CFAP77: variants seen among roughly 807,000 people sequenced by gnomAD.
The protein encoded by CFAP77 is cilia- and flagella-associated protein 77.
In CFAP77, 25 loss-of-function variants were observed where a neutral mutation model predicts 31.1. The ratio of observed to expected loss-of-function variants is 0.80; its 90% confidence interval spans 0.59 to 1.12. CFAP77 has a LOEUF of 1.12. CFAP77 is among the 50% of genes most tolerant of loss of function. CFAP77 has a pLI of 0.00. For synonymous variants in CFAP77, 151 were observed against 159.9 expected (o/e 0.94, Z 0.42); for missense variants, 377 against 397.3 (o/e 0.95, Z 0.44).
chr9:132,442,570 G>A (rs955333094), intron 1 of CFAP77, among the ~76,000 whole-genome samples: 2 of 151,750 alleles, frequency 1.3e-5, no homozygotes. Context: ...AAATCTCTGT[G>A]TTATAATTTA....
Position 132,539,081 on chromosome 9 carries a change from C to A in CFAP77, c.630+1375C>A, listed in dbSNP as rs1335823531. Among the ~76,000 whole-genome samples, 1 of 151,968 alleles carries A rather than the reference C, an allele frequency of 6.6e-6. No individual in the cohort carries two copies. Among genetic ancestry groups the A allele is most frequent in the African/African-American group, 2.4e-5 (1 of 41,358 alleles). Reference sequence around the variant, plus strand: ...CAGCCTGGGCAACAGAGCAAGACTCCGTCTCGATAAAAAAATAAATAAATA... The same window carrying A: ...CAGCCTGGGCAACAGAGCAAGACTCAGTCTCGATAAAAAAATAAATAAATA... On this transcript the variant is annotated intron_variant, in intron 4 of 5. Coordinates refer to ENST00000393216, the MANE Select transcript of CFAP77 (RefSeq NM_001282957.2). This position sits in a 1 kb window ranked among gnomAD's most constrained non-coding sequence, Gnocchi z 4.3.
At chr9:132,445,341 C>A (rs1359229236) in intron 1 of CFAP77, among the ~76,000 whole-genome samples, 1 of 152,168 alleles carries the variant, frequency 6.6e-6, no homozygotes, top group Admixed American at 6.6e-5. Flanking sequence ...AGAAGCCTAC[C>A]ATGTTTGTGT....
At chr9:132,450,336 A>T (rs566914053) in intron 1 of CFAP77, among the ~76,000 whole-genome samples, 2 of 151,608 alleles carry the variant, frequency 1.3e-5, no homozygotes, top group African/African-American at 4.8e-5. Flanking sequence ...AATGTGTGAG[A>T]ACTACAGGTC....
At chr9:132,450,640 G>C (rs1850809012) in intron 1 of CFAP77, among the ~76,000 whole-genome samples, 1 of 152,184 alleles carries the variant, frequency 6.6e-6, no homozygotes, top group Non-Finnish European at 1.5e-5. Flanking sequence ...GGTCTGCCTA[G>C]ACAGGCCATG....
intron 5 of CFAP77, among the ~76,000 whole-genome samples, chr9:132,568,245 T>TG (rs1829911564): frequency 6.6e-6 from 1 of 152,148 alleles, no homozygotes. Flanking sequence ...TACAACGCTG[T>TG]GCCTAGAGTT....
chr9:132,418,739 A>G (rs1436803642), intron 1 of CFAP77, among the ~76,000 whole-genome samples: 1 of 152,264 alleles, frequency 6.6e-6, no homozygotes, highest in Non-Finnish European at 1.5e-5. Context: ...AGATAAACTC[A>G]TTAGCAAAGG....
At chr9:132,555,084 C>T (rs981684535) in intron 5 of CFAP77, among the ~76,000 whole-genome samples, 1 of 152,214 alleles carries the variant, frequency 6.6e-6, no homozygotes, top group Non-Finnish European at 1.5e-5. Flanking sequence ...TACCCCAAGA[C>T]ATTTGAAGGC....
In CFAP77 at chr9:132,572,478, A is replaced by C; in HGVS notation, c.823A>C (p.Thr275Pro). 6.2e-7 allele frequency: 1 copy of C among 1,608,810 alleles called. No individual in the cohort carries two copies. Among genetic ancestry groups the C allele is most frequent in the Non-Finnish European group, 8.5e-7 (1 of 1,179,762 alleles). ...GGAAGAGTGTGCCGTGCGCCAGGGG[A>C]CCCTGCGGATGGGCAACTACACCCA... ...HREECAVRQGTLRMGNYTHP is the reference protein window; with the variant it reads ...HREECAVRQGPLRMGNYTHP The change falls in exon 6 of 6, where the codon ACC becomes CCC. Residue 275 changes from threonine to proline, a missense_variant. Thr to Pro is a conservative substitution (Grantham distance 38). Transcript: ENST00000393216.
At chr9:132,558,670 A>G (rs1308899421) in intron 5 of CFAP77, among the ~76,000 whole-genome samples, 1 of 151,684 alleles carries the variant, frequency 6.6e-6, no homozygotes, top group Non-Finnish European at 1.5e-5. Context: ...GCACCATTGC[A>G]TTCCAGCCTG....
chr9:132,555,990 G>A (rs1371057519), intron 5 of CFAP77, among the ~76,000 whole-genome samples: 2 of 151,902 alleles, frequency 1.3e-5, no homozygotes, highest in Non-Finnish European at 2.9e-5. Flanking sequence ...CTCAGGTTCC[G>A]CGCACAGATA....
chr9:132,560,434 TTACCCAATTATTTTGCTCCTAG>T (rs777127194), intron 5 of CFAP77, among the ~76,000 whole-genome samples: 4 of 152,218 alleles, frequency 2.6e-5, no homozygotes, highest in Non-Finnish European at 5.9e-5. Context: ...GGGACTGGTG[TTACCCAATTATTTTGCTCCTAG>T]CGTCTAGCAA....
rs1230529442 is a variant in CFAP77, at chr9:132,486,050, ATG to A, written c.196-12643_196-12642del. Among the ~76,000 whole-genome samples, 193 of 36,084 alleles carry A rather than the reference ATG, an allele frequency of 5.3e-3. 37 individuals are homozygous for A. The highest frequency in any genetic ancestry group is 0.048 in the African/African-American group (176 of 3,658). The allele number at this position is 36,084 out of a possible 152,430, so 23.7% of individuals were successfully genotyped here. ...TATATATATATATATATGTATGTATATGTATGTGTGTGTGTGTATATATATAT... is the reference window on the plus strand; with the variant it reads ...TATATATATATATATATGTATGTATATATGTGTGTGTGTGTATATATATAT... On this transcript the variant is annotated intron_variant, in intron 1 of 5. Coordinates refer to ENST00000393216, the MANE Select transcript of CFAP77 (RefSeq NM_001282957.2).
At chr9:132,524,695 C>G (rs1326254063) in intron 3 of CFAP77, among the ~76,000 whole-genome samples, 1 of 152,096 alleles carries the variant, frequency 6.6e-6, no homozygotes, top group East Asian at 1.9e-4. Flanking sequence ...GTCGCCCAGG[C>G]TGGAGTGCAG....
chr9:132,433,971 TAAAAA>T (rs1229342874), intron 1 of CFAP77, among the ~76,000 whole-genome samples: 1 of 129,934 alleles, frequency 7.7e-6, no homozygotes, highest in African/African-American at 2.9e-5. Context: ...ACCCCATGTG[TAAAAA>T]AAAAAAAAAA....
intron 3 of CFAP77, among the ~76,000 whole-genome samples, chr9:132,521,662 G>C (rs973133941): frequency 2.6e-5 from 4 of 152,068 alleles, no homozygotes; most frequent in Admixed American, 6.5e-5. Context: ...CATTTGGGAG[G>C]GGGTAGGAGA....
intron 1 of CFAP77, among the ~76,000 whole-genome samples, chr9:132,423,416 G>A (rs1294549451): frequency 6.6e-6 from 1 of 152,240 alleles, no homozygotes; most frequent in African/African-American, 2.4e-5. Context: ...ACTGACAGCT[G>A]CTGCCCTCTG....
intron 5 of CFAP77, among the ~76,000 whole-genome samples, chr9:132,556,423 C>A (rs1409336666): frequency 1.3e-5 from 2 of 152,204 alleles, no homozygotes; most frequent in Non-Finnish European, 2.9e-5. Context: ...AGGACCCCCT[C>A]CCCGGCGGCT....
chr9:132,418,070 AC>A (rs1366828052), intron 1 of CFAP77, among the ~76,000 whole-genome samples: 2 of 152,240 alleles, frequency 1.3e-5, no homozygotes, highest in African/African-American at 4.8e-5. Flanking sequence ...GAGTCTGGGT[AC>A]TAAGACCTAC....
intron 1 of CFAP77, 149 bp downstream of exon 1, chr9:132,410,615 C>T: frequency 1.5e-6 from 1 of 662,304 alleles, no homozygotes; most frequent in South Asian, 2.3e-5. Flanking sequence ...CAGGCCTGGA[C>T]CCCCATGCAG....
Sources: gnomAD v4.1 joint callset for allele counts (sites outside exome capture counted in the v4.1 genomes callset) on GRCh38, gnomAD v4.1.1 for gene constraint, Gnocchi (gnomAD v3.1) non-coding constraint, MANE v1.5 for transcripts, NCBI Gene and HGNC (gene_info 2026-07-23, HGNC 2026-07-21) for gene names.